The following GVQW3 variants were observed in gnomAD, a reference collection of about 807,000 sequenced individuals.
GVQW3 encodes the protein protein GVQW3.
In GVQW3, 7 loss-of-function variants were observed where a neutral mutation model predicts 12.5. That is an observed-to-expected ratio of 0.56 (90% CI 0.32 to 1.05). The LOEUF (loss-of-function observed/expected upper bound fraction) is 1.05. Ranked by LOEUF, GVQW3 falls within the 50% of genes least tolerant of loss-of-function variation. GVQW3 has a pLI of 0.04. For missense variants in GVQW3, 188 were observed against 190.8 expected (o/e 0.99, Z 0.09); for synonymous variants, 71 against 67.2 (o/e 1.06, Z -0.28).
chr11:76,394,490 T>G (rs1310532148), intron 1 of GVQW3, among the ~76,000 whole-genome samples: 1 of 152,216 alleles, frequency 6.6e-6, no homozygotes, highest in Non-Finnish European at 1.5e-5. Flanking sequence ...TGACCTTCAG[T>G]TCTATCCATG....
rs144968251 is a variant in GVQW3 at position 76,402,859 on chromosome 11, C to T, written c.466-801C>T. 4.8e-4 allele frequency among the ~76,000 whole-genome samples: 73 copies of T among 152,120 alleles called. No individual in the cohort carries two copies. In the East Asian group the frequency reaches 0.013, roughly 26 times the overall value. ...GACTACAGGCACACACCACCACACCCGACTAATTTTTGTATTTTTTTGTAG... is the reference window on the plus strand; with the variant it reads ...GACTACAGGCACACACCACCACACCTGACTAATTTTTGTATTTTTTTGTAG... On this transcript the variant is annotated intron_variant, in intron 1 of 1. Coordinates refer to ENST00000529331, the MANE Select transcript of GVQW3 (RefSeq NM_001347885.2).
downstream of GVQW3, chr11:76,411,310 A>G (rs1947078199): frequency 6.6e-6 from 1 of 152,348 alleles, no homozygotes; most frequent in South Asian, 2.1e-4. Flanking sequence ...CTGGAGTCCT[A>G]GAGGCCTCTA....
downstream of GVQW3, among the ~76,000 whole-genome samples, chr11:76,409,584 C>A (rs1947068229): frequency 6.6e-6 from 1 of 152,178 alleles, no homozygotes; most frequent in Admixed American, 6.5e-5. Flanking sequence ...GTAGAAGTGA[C>A]CACTATCTCC....
intron 1 of GVQW3, among the ~76,000 whole-genome samples, chr11:76,387,504 A>C (rs1023717100): frequency 6.6e-6 from 1 of 152,228 alleles, no homozygotes; most frequent in Non-Finnish European, 1.5e-5. Flanking sequence ...CCCATCGGCT[A>C]TAGTTTGATA....
downstream of GVQW3, among the ~76,000 whole-genome samples, chr11:76,410,446 A>G (rs1376126132): frequency 7.6e-6 from 1 of 130,964 alleles, no homozygotes; most frequent in East Asian, 2.2e-4. Context: ...TTTTTTTTTT[A>G]CTTCATTCTA....
intron 1 of GVQW3, among the ~76,000 whole-genome samples, chr11:76,393,275 G>A (rs1312146828): frequency 6.6e-6 from 1 of 152,242 alleles, no homozygotes; most frequent in Non-Finnish European, 1.5e-5. Flanking sequence ...GAATGTTCCT[G>A]TAGGCTCACC....
chr11:76,382,009 G>A lies in GVQW3; in HGVS notation c.181G>A (p.Ala61Thr). The A allele has an allele frequency of 6.5e-7, 1 of 1,536,456 alleles. No individual in the cohort carries two copies. The highest frequency in any genetic ancestry group is 8.7e-7 in the Non-Finnish European group (1 of 1,146,984). The change falls in exon 1 of 2, where the codon GCC becomes ACC. Residue 61 changes from alanine to threonine, a missense_variant. By Grantham distance (58) the Ala-to-Thr change is moderately conservative. Transcript: ENST00000529331. ...KEGREDVRDD[A>T]RSGRPVTHRT... The stretch of plus-strand genomic sequence containing the variant: ...AGGACGGGAAGATGTTCGAGATGAT[G>A]CCCGAAGTGGGCGTCCAGTCACCCA...
chr11:76,392,836 G>A (rs1006713930), intron 1 of GVQW3: 2 of 152,116 alleles, frequency 1.3e-5, no homozygotes, highest in African/African-American at 4.8e-5. Flanking sequence ...TATGTTTTGT[G>A]TTTTTAATAT....
At chr11:76,394,419 C>T (rs768904570) in intron 1 of GVQW3, among the ~76,000 whole-genome samples, 3 of 152,052 alleles carry the variant, frequency 2.0e-5, no homozygotes, top group African/African-American at 4.8e-5. Context: ...GTAGCTCCCA[C>T]AAATAAGTGA....
In GVQW3 at chr11:76,407,087, C is replaced by CT. The variant is rs1947047309; in HGVS notation, c.*3330dup. 6.6e-6 allele frequency: 1 copy of CT among 152,056 alleles called. No individual in the cohort carries two copies. Among genetic ancestry groups the CT allele is most frequent in the Admixed American group, 6.6e-5 (1 of 15,266 alleles). 9.4% of individuals were successfully genotyped at this position (152,056 alleles called of 1,614,324 possible). ...GTTGACATCTTGGAAGAGGATAACT[C>CT]TAAGTTTGGTTGTATAATTTCTGCT... On this transcript the variant is annotated 3_prime_UTR_variant, in exon 2 of 2. Transcript: ENST00000529331.
downstream of GVQW3, chr11:76,412,750 G>T (rs1947087823): frequency 2.0e-5 from 3 of 152,252 alleles, no homozygotes; most frequent in South Asian, 6.2e-4. Flanking sequence ...AGCTGGGAAG[G>T]CCAGGTCACA....
Position 76,382,276 on chromosome 11 carries a change from T to C in GVQW3, c.448T>C (p.Ser150Pro). 1 of 1,527,942 alleles carries C rather than the reference T, an allele frequency of 6.5e-7. No homozygotes were observed. Among genetic ancestry groups the C allele is most frequent in the Non-Finnish European group, 8.8e-7 (1 of 1,139,698 alleles). The allele number at this position is 1,527,942 out of a possible 1,614,324, so 94.6% of individuals were successfully genotyped here. A position where few individuals can be genotyped will look rare whatever the true frequency, so the allele number is the denominator to read the frequency against. ...TTCAAAGGAAACTAGGAAAAATAGC[T>C]CATGTTTGAGGAAAAAGGTAACAGG... Reference protein sequence around the residue: ...DLSKETRKNSSCLRKKRRNLT... With the variant: ...DLSKETRKNSPCLRKKRRNLT... Residue 150 changes from serine (S) to proline (P), a missense_variant, in exon 1 of 2, where the codon TCA (serine) becomes CCA (proline). Transcript: ENST00000529331.
downstream of GVQW3, among the ~76,000 whole-genome samples, chr11:76,410,629 C>A (rs111280209): frequency 2.5e-3 from 383 of 152,226 alleles, no homozygotes; most frequent in Non-Finnish European, 4.6e-3. Context: ...TGGAGAGAGG[C>A]GTTTCTGAGG....
intron 1 of GVQW3, chr11:76,382,656 TC>T (rs2134530312): frequency 1.9e-6 from 1 of 515,204 alleles, no homozygotes; most frequent in African/African-American, 1.9e-5. Flanking sequence ...GCTGTTCCCT[TC>T]TGGTATTTGC....
rs1947022721 is a variant in GVQW3, at chr11:76,404,702, T to TA, written c.*945dup. On this transcript the variant is annotated 3_prime_UTR_variant, in exon 2 of 2. Coordinates refer to ENST00000529331, the MANE Select transcript of GVQW3 (RefSeq NM_001347885.2). ...AGGAAGCCCAGGCCATGGCAGGACTTACCTGTTGAGTCCTGCTGGGTTTGG... is the reference window on the plus strand; with the variant it reads ...AGGAAGCCCAGGCCATGGCAGGACTTAACCTGTTGAGTCCTGCTGGGTTTGG... 6.6e-6 allele frequency: 1 copy of TA among 152,286 alleles called. No individual in the cohort carries two copies. Among genetic ancestry groups the TA allele is most frequent in the African/African-American group, 2.4e-5 (1 of 41,456 alleles). The allele number at this position is 152,286 out of a possible 1,614,324, so 9.4% of individuals were successfully genotyped here.
chr11:76,387,515 T>A (rs537684070), intron 1 of GVQW3, among the ~76,000 whole-genome samples: 15 of 152,324 alleles, frequency 9.8e-5, no homozygotes, highest in African/African-American at 3.6e-4. Flanking sequence ...TAGTTTGATA[T>A]AACCCCCAGT....
chr11:76,390,862 C>A (rs1315441506), intron 1 of GVQW3, among the ~76,000 whole-genome samples: 1 of 151,614 alleles, frequency 6.6e-6, no homozygotes, highest in Non-Finnish European at 1.5e-5. Flanking sequence ...GTAAAAATAT[C>A]TATGTTAGAT....
chr11:76,394,260 C>G (rs1308643382), intron 1 of GVQW3, among the ~76,000 whole-genome samples: 2 of 152,272 alleles, frequency 1.3e-5, no homozygotes, highest in Admixed American at 1.3e-4. Context: ...GCTGTGCTAT[C>G]AAATATTAGA....
At chr11:76,397,002 CTTTTT>C (rs11401694) in intron 1 of GVQW3, among the ~76,000 whole-genome samples, 2 of 110,872 alleles carry the variant, frequency 1.8e-5, no homozygotes, top group Non-Finnish European at 3.6e-5. Flanking sequence ...TCATTTATTC[CTTTTT>C]TTTTTTTTTT....
Sources: gnomAD v4.1 joint callset for allele counts (sites outside exome capture counted in the v4.1 genomes callset) on GRCh38, gnomAD v4.1.1 for gene constraint, MANE v1.5 for transcripts, NCBI Gene and HGNC (gene_info 2026-07-23, HGNC 2026-07-21) for gene names.